Variants in TMEM38B observed in about 807,000 individuals in gnomAD.
The protein encoded by TMEM38B is trimeric intracellular cation channel type B.
Under a neutral mutation model 28.7 loss-of-function variants are expected in TMEM38B, and 24 were observed. The ratio of observed to expected loss-of-function variants is 0.84; its 90% CI spans 0.61 to 1.18. TMEM38B has a LOEUF of 1.18. TMEM38B is among the 50% of genes most tolerant of loss of function. The probability of loss-of-function intolerance (pLI) is 0.00; values close to 1 mark genes in which losing one functional copy is unlikely to be tolerated. For synonymous variants in TMEM38B, 131 were observed against 127.7 expected, an observed-to-expected ratio of 1.03 and a Z score of -0.17; for missense variants, 380 against 350.9, an observed-to-expected ratio of 1.08 and a Z score of -0.66.
At position 105,729,346 on chromosome 9, in the gene TMEM38B, T is replaced by C. The variant is rs186134234; in HGVS notation, c.542+6725T>C. Among the ~76,000 whole-genome samples the C allele has an allele frequency of 3.4e-3, 514 of 152,196 alleles. 5 individuals are homozygous for C. Among genetic ancestry groups the C allele is most frequent in the African/African-American group, 0.012 (478 of 41,558 alleles). ...CATTTATTAAATAGGGAATCCTTTC[T>C]CCATTGCTTGTTTTTCTCAGGTTTG... On this transcript the variant is annotated intron_variant, in intron 4 of 5. Transcript: ENST00000374692.
intron 1 of TMEM38B, among the ~76,000 whole-genome samples, chr9:105,697,671 C>A (rs560979191): frequency 6.6e-6 from 1 of 151,870 alleles, no homozygotes; most frequent in Non-Finnish European, 1.5e-5. Flanking sequence ...TGTCTGTAGT[C>A]CTTTTTTCCC....
chr9:105,773,400 T>G (rs940670837), intron 5 of TMEM38B, among the ~76,000 whole-genome samples: 2 of 152,136 alleles, frequency 1.3e-5, no homozygotes, highest in East Asian at 3.8e-4. Flanking sequence ...ATTGCAAACT[T>G]CTTTACCACT....
chr9:105,738,479 T>A (rs1199576033), intron 4 of TMEM38B, among the ~76,000 whole-genome samples: 1 of 152,080 alleles, frequency 6.6e-6, no homozygotes, highest in Non-Finnish European at 1.5e-5. Flanking sequence ...TTCATCAAGA[T>A]GTAGTTGTTA....
At chr9:105,764,532 G>A (rs1274189026) in intron 5 of TMEM38B, among the ~76,000 whole-genome samples, 2 of 152,174 alleles carry the variant, frequency 1.3e-5, no homozygotes, top group Admixed American at 6.5e-5. Flanking sequence ...CAAGGGATGT[G>A]AAGGACCTCT....
rs114774406 is a variant in TMEM38B, at chr9:105,773,818, C to G, written c.661-47C>G. 9.9e-4 allele frequency: 1,539 copies of G among 1,555,934 alleles called. 22 individuals are homozygous for G. The African/African-American group carries it at 0.018, about 19-fold the overall frequency. On this transcript the variant is annotated intron_variant, in intron 5 of 5. Transcript: ENST00000374692. The stretch of plus-strand genomic sequence containing the variant: ...CCTTTTGTTTCTCTCTCTTGAGAAA[C>G]AGAAATCATTTGTATTTAAATTCAA...
At position 105,694,541 on chromosome 9, in the gene TMEM38B, G is replaced by A. The variant is rs150702346; in HGVS notation, c.-120G>A. On this transcript the variant is annotated 5_prime_UTR_variant, in exon 1 of 6. Coordinates refer to ENST00000374692, the MANE Select transcript of TMEM38B (RefSeq NM_018112.3). The stretch of plus-strand genomic sequence containing the variant: ...CCCCTCGGCGCCAGGGCGCACGCGC[G>A]GAGCTGGAGCCGGCGCGGAGGAGCG... 3.5e-3 allele frequency: 1,866 copies of A among 537,974 alleles called. 25 individuals carry two copies. The Admixed American group carries it at 0.037, about 11-fold the overall frequency. The allele number at this position is 537,974 out of a possible 1,614,324, so 33.3% of individuals were successfully genotyped here.
Position 105,775,285 on chromosome 9 carries a change from C to G in TMEM38B, c.*1205C>G, listed in dbSNP as rs1374699995. On this transcript the variant is annotated 3_prime_UTR_variant, in exon 6 of 6. Coordinates refer to ENST00000374692, the MANE Select transcript of TMEM38B (RefSeq NM_018112.3). The stretch of plus-strand genomic sequence containing the variant: ...TAGATGAAGAATGATGATATAAAAT[C>G]TGGTTCCTTCTTAGCAAAATAAAAA... 6.6e-6 allele frequency: 1 copy of G among 152,042 alleles called. No individual in the cohort carries two copies. The highest frequency in any genetic ancestry group is 1.5e-5 in the Non-Finnish European group (1 of 67,976). 9.4% of individuals were successfully genotyped at this position (152,042 alleles called of 1,614,324 possible). A position where few individuals can be genotyped will look rare whatever the true frequency, so the allele number is the denominator to read the frequency against.
intron 1 of TMEM38B, among the ~76,000 whole-genome samples, chr9:105,703,054 T>A (rs1332986061): frequency 1.3e-5 from 2 of 151,192 alleles, no homozygotes; most frequent in African/African-American, 4.8e-5. Flanking sequence ...TGGAATTAGA[T>A]TTAGGTCTCA....
intron 1 of TMEM38B, among the ~76,000 whole-genome samples, chr9:105,698,139 C>T (rs1389841667): frequency 6.6e-6 from 1 of 150,704 alleles, no homozygotes; most frequent in Non-Finnish European, 1.5e-5. Flanking sequence ...CTGTGAGCTA[C>T]TGAAGTCCTT....
intron 1 of TMEM38B, among the ~76,000 whole-genome samples, chr9:105,695,064 G>T (rs1389079882): frequency 6.6e-6 from 1 of 152,162 alleles, no homozygotes; most frequent in Non-Finnish European, 1.5e-5. Context: ...ACCGCCCGCA[G>T]AAGTCCCAGG....
chr9:105,749,129 C>A, intron 5 of TMEM38B: 1 of 1,301,534 alleles, frequency 7.7e-7, no homozygotes, highest in Non-Finnish European at 1.0e-6. Flanking sequence ...ATATTGGAGG[C>A]AAAATCTCTT....
At chr9:105,746,267 T>C (rs1348389111) in intron 4 of TMEM38B, among the ~76,000 whole-genome samples, 7 of 152,292 alleles carry the variant, frequency 4.6e-5, no homozygotes, top group African/African-American at 1.7e-4. Flanking sequence ...CAGTGGTTTG[T>C]AGTTCTCCTT....
chr9:105,711,434 CTG>C (rs1835897980), intron 2 of TMEM38B, among the ~76,000 whole-genome samples: 2 of 142,012 alleles, frequency 1.4e-5, no homozygotes, highest in Non-Finnish European at 3.0e-5. Context: ...GACCTAGACT[CTG>C]TCTCAAAAAA....
At chr9:105,770,425 A>C (rs543183619) in intron 5 of TMEM38B, among the ~76,000 whole-genome samples, 1 of 152,246 alleles carries the variant, frequency 6.6e-6, no homozygotes, top group Admixed American at 6.5e-5. Context: ...ATTATTCCAC[A>C]CTTAAAGATA....
chr9:105,728,024 C>T (rs1836582325), intron 4 of TMEM38B, among the ~76,000 whole-genome samples: 1 of 152,104 alleles, frequency 6.6e-6, no homozygotes, highest in South Asian at 2.1e-4. Context: ...TCTTGTACCT[C>T]CTGCAGAACT....
chr9:105,710,663 A>G (rs1835867624), intron 2 of TMEM38B: 1 of 717,060 alleles, frequency 1.4e-6, no homozygotes, highest in Non-Finnish European at 2.6e-6. Context: ...AGTGGAACAT[A>G]CACATCAACT....
At chr9:105,760,147 C>T in intron 5 of TMEM38B, 1 of 880,588 alleles carries the variant, frequency 1.1e-6, no homozygotes, top group Non-Finnish European at 1.9e-6. Context: ...GTTACTTCCG[C>T]CACCAAATTG....
intron 5 of TMEM38B, among the ~76,000 whole-genome samples, chr9:105,767,879 T>C (rs1826425398): frequency 6.6e-6 from 1 of 152,156 alleles, no homozygotes; most frequent in African/African-American, 2.4e-5. Flanking sequence ...TTGTCTATGA[T>C]AAAGATAGTT....
chr9:105,723,219 C>A (rs1279212101), intron 4 of TMEM38B, among the ~76,000 whole-genome samples: 1 of 152,076 alleles, frequency 6.6e-6, no homozygotes, highest in African/African-American at 2.4e-5. Flanking sequence ...AAGACACTGA[C>A]TTAGTCTTAT....
Sources: gnomAD v4.1 joint callset for allele counts (sites outside exome capture counted in the v4.1 genomes callset) on GRCh38, gnomAD v4.1.1 for gene constraint, MANE v1.5 for transcripts, NCBI Gene and HGNC (gene_info 2026-07-23, HGNC 2026-07-21) for gene names.